The following TSHR variants were observed in gnomAD, a reference collection of about 807,000 sequenced individuals.
TSHR encodes the protein thyroid stimulating hormone receptor.
TSHR carries 51 observed loss-of-function variants against 64.1 expected under a neutral mutation model. The observed-to-expected ratio is 0.80, with a 90% CI of 0.64 to 1.01. The LOEUF is 1.01. Among genes scored for constraint, TSHR ranks in the 50% least tolerant of loss-of-function variants. TSHR has a pLI of 0.00. For synonymous variants in TSHR, 361 were observed against 361.9 expected (o/e 1.00, Z 0.03); for missense variants, 877 against 942.8 (o/e 0.93, Z 0.91).
intron 1 of TSHR, among the ~76,000 whole-genome samples, chr14:80,974,682 A>T (rs774132419): frequency 3.3e-4 from 50 of 152,194 alleles, no homozygotes; most frequent in Non-Finnish European, 6.3e-4. Context: ...CTTGTGAAGG[A>T]TTCCTTTTAC....
intron 8 of TSHR, among the ~76,000 whole-genome samples, chr14:81,133,150 T>G (rs1891319843): frequency 6.6e-6 from 1 of 152,186 alleles, no homozygotes; most frequent in Non-Finnish European, 1.5e-5. Flanking sequence ...TGATTAAAAG[T>G]TAAAGATGAA....
chr14:81,050,375 G>C (rs1378755448), intron 1 of TSHR: 1 of 152,132 alleles, frequency 6.6e-6, no homozygotes, highest in East Asian at 1.9e-4. Flanking sequence ...TTCATCTCCT[G>C]TTTTGATTGA....
intron 3 of TSHR, among the ~76,000 whole-genome samples, chr14:81,079,962 T>C (rs1700595725): frequency 6.6e-6 from 1 of 151,946 alleles, no homozygotes; most frequent in African/African-American, 2.4e-5. Context: ...TGTTTGTTTG[T>C]TTGTTTTTGA....
chr14:81,005,499 A>G (rs1467783018), intron 1 of TSHR, among the ~76,000 whole-genome samples: 2 of 152,294 alleles, frequency 1.3e-5, no homozygotes, highest in South Asian at 2.1e-4. Flanking sequence ...GACCTGCCAT[A>G]AAGTATCATA....
At position 81,026,667 on chromosome 14, in the gene TSHR, A is replaced by C. The variant is rs529295984; in HGVS notation, c.171-35481A>C. 5.3e-5 allele frequency among the ~76,000 whole-genome samples: 8 copies of C among 152,292 alleles called. No individual in the cohort carries two copies. In the East Asian group the frequency reaches 1.5e-3, roughly 29 times the overall value. On this transcript the variant is annotated intron_variant, in intron 1 of 9. Coordinates refer to ENST00000298171, the MANE Select transcript of TSHR (RefSeq NM_000369.5). Reference sequence around the variant, plus strand: ...TCTCAAATTTAAAAAAAGATAAGGCAATAAAAAATGTTAAAAAAGGTATTT... The same window carrying C: ...TCTCAAATTTAAAAAAAGATAAGGCCATAAAAAATGTTAAAAAAGGTATTT...
chr14:81,075,029 C>A (rs1489227607), intron 3 of TSHR, among the ~76,000 whole-genome samples: 3 of 152,182 alleles, frequency 2.0e-5, no homozygotes, highest in Non-Finnish European at 4.4e-5. Flanking sequence ...TAAATTTGGC[C>A]TAAAGGCCTC....
chr14:81,095,534 T>A (rs1317536774), intron 6 of TSHR: 1 of 151,838 alleles, frequency 6.6e-6, no homozygotes, highest in Non-Finnish European at 1.5e-5. Flanking sequence ...ATCACGCCAC[T>A]GCACTTCAGC....
At chr14:81,054,198 T>G (rs1489465689) in intron 1 of TSHR, among the ~76,000 whole-genome samples, 1 of 151,896 alleles carries the variant, frequency 6.6e-6, no homozygotes, top group East Asian at 1.9e-4. Flanking sequence ...AAAACAGGAG[T>G]TTCCCTTCAC....
chr14:81,143,725 C>A lies in TSHR; in HGVS notation c.1667C>A (p.Pro556His). ...TGCTGCTTCCTTCTCGCCCTGCTTC[C>A]TTTGGTGGGAATAAGTAGCTATGCC... ...WVCCFLLALL[P>H]LVGISSYAKV... is the part of the protein sequence containing the mutation. The change falls in exon 10 of 10, where the codon CCT (proline) becomes CAT (histidine). Residue 556 changes from proline to histidine, a missense_variant. Pro to His is a moderately conservative substitution (Grantham distance 77, BLOSUM62 -2). Transcript: ENST00000298171. The A allele has an allele frequency of 6.2e-7, 1 of 1,614,186 alleles. No homozygotes were observed. Among genetic ancestry groups the A allele is most frequent in the Non-Finnish European group, 8.5e-7 (1 of 1,180,042 alleles).
chr14:81,143,346 C>T lies in TSHR; in HGVS notation c.1288C>T (p.Leu430=). 1.2e-6 allele frequency: 2 copies of T among 1,614,162 alleles called. No individual in the cohort carries two copies. The highest frequency in any genetic ancestry group is 1.7e-6 in the Non-Finnish European group (2 of 1,180,042). Residue 430 remains leucine (L), a synonymous_variant, in exon 10 of 10, where the codon CTG becomes TTG. Coordinates refer to ENST00000298171, the MANE Select transcript of TSHR (RefSeq NM_000369.5). ...VVWFVSLLAL[L]GNVFVLLILL... ...GTGGTTCGTTAGTCTGCTGGCTCTC[C>T]TGGGCAATGTCTTTGTCCTGCTTAT... is the stretch of plus-strand genomic sequence containing the variant.
At chr14:81,096,741 T>A (rs1395273772) in intron 7 of TSHR, 34 bp downstream of exon 7, 1 of 1,606,760 alleles carries the variant, frequency 6.2e-7, no homozygotes, top group Non-Finnish European at 8.5e-7. Context: ...ACTGTCACTT[T>A]CCCTTACCCT....
chr14:80,979,664 A>G (rs992614457), intron 1 of TSHR, among the ~76,000 whole-genome samples: 1 of 152,212 alleles, frequency 6.6e-6, no homozygotes, highest in Non-Finnish European at 1.5e-5. Context: ...AATAAGAGAA[A>G]ACTAAAAACA....
intron 8 of TSHR, among the ~76,000 whole-genome samples, chr14:81,136,586 T>C (rs963143396): frequency 1.3e-5 from 2 of 152,176 alleles, no homozygotes; most frequent in Non-Finnish European, 2.9e-5. Context: ...GGTGGAGATA[T>C]CAAATAAGCA....
At chr14:80,994,452 A>G (rs1056013131) in intron 1 of TSHR, 9 of 152,206 alleles carry the variant, frequency 5.9e-5, no homozygotes, top group African/African-American at 2.2e-4. Context: ...ACAAAGCTGG[A>G]AGCATCACGC....
At chr14:81,061,797 T>TA (rs1348958213) in intron 1 of TSHR, among the ~76,000 whole-genome samples, 1 of 152,036 alleles carries the variant, frequency 6.6e-6, no homozygotes, top group Non-Finnish European at 1.5e-5. Context: ...AATTAAAAGG[T>TA]AAAATAATCA....
At chr14:81,076,240 T>C (rs1344641661) in intron 3 of TSHR, among the ~76,000 whole-genome samples, 1 of 152,180 alleles carries the variant, frequency 6.6e-6, no homozygotes, top group Non-Finnish European at 1.5e-5. Flanking sequence ...CAATCCTGGT[T>C]GGACTCCTAT....
intron 2 of TSHR, among the ~76,000 whole-genome samples, chr14:81,067,006 T>A (rs956407326): frequency 1.3e-5 from 2 of 152,206 alleles, no homozygotes; most frequent in Non-Finnish European, 2.9e-5. Flanking sequence ...TTTAGGAATT[T>A]CTCTGTTTTC....
At chr14:80,998,908 T>C (rs972331575) in intron 1 of TSHR, among the ~76,000 whole-genome samples, 1 of 152,226 alleles carries the variant, frequency 6.6e-6, no homozygotes, top group Non-Finnish European at 1.5e-5. Context: ...AAAGTACATC[T>C]CCATGACTAA....
intron 5 of TSHR, among the ~76,000 whole-genome samples, chr14:81,091,728 A>G (rs1888751840): frequency 6.6e-6 from 1 of 152,228 alleles, no homozygotes; most frequent in Admixed American, 6.5e-5. Context: ...CCATTTATGA[A>G]TGAGGAAACT....
Sources: gnomAD v4.1 joint callset for allele counts (sites outside exome capture counted in the v4.1 genomes callset) on GRCh38, gnomAD v4.1.1 for gene constraint, MANE v1.5 for transcripts, NCBI Gene and HGNC (gene_info 2026-07-23, HGNC 2026-07-21) for gene names.